ERC2: variants seen among roughly 807,000 people sequenced by gnomAD.
ERC2 encodes the protein ERC protein 2.
A neutral mutation model predicts 114.8 loss-of-function variants in ERC2; 42 were observed. The observed-to-expected ratio is 0.37, with a 90% confidence interval of 0.29 to 0.47. The LOEUF is 0.47. Ranked by LOEUF, ERC2 falls within the 20% of genes least tolerant of loss-of-function variation. The pLI, the probability that ERC2 is intolerant of heterozygous loss-of-function variation, is 0.99. For synonymous variants in ERC2, 454 were observed against 425.5 expected, an observed-to-expected ratio of 1.07 and a Z score of -0.82; for missense variants, 939 against 1,150.7, an observed-to-expected ratio of 0.82 and a Z score of 2.66.
chr3:55,837,092 A>G (rs905991967), intron 14 of ERC2, among the ~76,000 whole-genome samples: 3 of 152,202 alleles, frequency 2.0e-5, no homozygotes, highest in African/African-American at 7.2e-5. Context: ...AATCATTAAA[A>G]AGCCAGGAAA....
chr3:55,989,822 A>C (rs1187822412), intron 11 of ERC2, among the ~76,000 whole-genome samples: 1 of 152,178 alleles, frequency 6.6e-6, no homozygotes, highest in Non-Finnish European at 1.5e-5. Context: ...GTGAGCATAG[A>C]ATATACATAC....
intron 7 of ERC2, among the ~76,000 whole-genome samples, chr3:56,076,596 C>T (rs1038240576): frequency 1.3e-5 from 2 of 152,176 alleles, no homozygotes; most frequent in Admixed American, 6.6e-5. Flanking sequence ...ACTTTTCATA[C>T]ATGTGCATTT....
rs2052035503 is a variant in ERC2, at chr3:55,511,101, G to T, written c.*215C>A. 1 of 152,582 alleles carries T rather than the reference G, an allele frequency of 6.6e-6. No homozygotes were observed. The highest frequency in any genetic ancestry group is 1.5e-5 in the Non-Finnish European group (1 of 68,024). The allele number at this position is 152,582 out of a possible 1,614,324, so 9.5% of individuals were successfully genotyped here. On this transcript the variant is annotated 3_prime_UTR_variant, in exon 18 of 18. Coordinates refer to ENST00000288221, the MANE Select transcript of ERC2 (RefSeq NM_015576.3). ...AAATCCATGAGAAATGACATGAGGTGGTGAAGGAAATATCAAGTAGAACAG... is the reference window on the plus strand; with the variant it reads ...AAATCCATGAGAAATGACATGAGGTTGTGAAGGAAATATCAAGTAGAACAG...
At chr3:56,254,640 C>T (rs1179866987) in intron 3 of ERC2, among the ~76,000 whole-genome samples, 1 of 152,190 alleles carries the variant, frequency 6.6e-6, no homozygotes, top group African/African-American at 2.4e-5. Context: ...TGTCAAGTCC[C>T]GGGCCGGGAT....
intron 2 of ERC2, among the ~76,000 whole-genome samples, chr3:56,301,589 AGC>A (rs2055878118): frequency 6.6e-6 from 1 of 152,090 alleles, no homozygotes; most frequent in Non-Finnish European, 1.5e-5. Context: ...TCATTTACCA[AGC>A]TGGGCACAGT....
At chr3:55,677,969 T>A (rs544313530) in intron 17 of ERC2, among the ~76,000 whole-genome samples, 1 of 152,176 alleles carries the variant, frequency 6.6e-6, no homozygotes, top group African/African-American at 2.4e-5. Context: ...AGTACTAAGA[T>A]GAAGAAATAT....
intron 14 of ERC2, among the ~76,000 whole-genome samples, chr3:55,834,388 A>G (rs959486752): frequency 7.9e-5 from 12 of 152,230 alleles, no homozygotes; most frequent in Non-Finnish European, 2.9e-5. Flanking sequence ...AATGTAAAAG[A>G]ACAGAAGTTA....
intron 3 of ERC2, among the ~76,000 whole-genome samples, chr3:56,178,979 T>C (rs1046011995): frequency 6.6e-6 from 1 of 151,928 alleles, no homozygotes; most frequent in African/African-American, 2.4e-5. Context: ...TCTTTTGGCT[T>C]TCCTAAGCCA....
intron 7 of ERC2, among the ~76,000 whole-genome samples, chr3:56,078,833 T>C (rs2077096575): frequency 6.7e-6 from 1 of 149,338 alleles, no homozygotes; most frequent in Non-Finnish European, 1.5e-5. Flanking sequence ...GAATGAACAA[T>C]ATATATATTT....
At chr3:56,463,292 C>T (rs146426353) in intron 1 of ERC2, among the ~76,000 whole-genome samples, 244 of 152,244 alleles carry the variant, frequency 1.6e-3, no homozygotes, top group African/African-American at 5.5e-3. Context: ...GGCTGCTGCC[C>T]CTCCAGGCAT....
At chr3:55,686,386 C>T (rs1202726520) in intron 16 of ERC2, among the ~76,000 whole-genome samples, 1 of 152,254 alleles carries the variant, frequency 6.6e-6, no homozygotes, top group East Asian at 1.9e-4. Flanking sequence ...AGTGGTGGCT[C>T]TTTCTGGTCT....
chr3:56,083,709 G>A (rs543472738), intron 6 of ERC2, among the ~76,000 whole-genome samples: 4 of 152,250 alleles, frequency 2.6e-5, no homozygotes, highest in Admixed American at 2.6e-4. Context: ...TGAAGTGGGG[G>A]TTGGATAAGG....
At chr3:56,063,852 A>G (rs902104324) in intron 7 of ERC2, among the ~76,000 whole-genome samples, 1 of 152,184 alleles carries the variant, frequency 6.6e-6, no homozygotes, top group Non-Finnish European at 1.5e-5. Context: ...GTACATACAT[A>G]TTGTAAAGTT....
At chr3:56,324,588 A>T (rs1182983490) in intron 2 of ERC2, among the ~76,000 whole-genome samples, 1 of 152,118 alleles carries the variant, frequency 6.6e-6, no homozygotes, top group East Asian at 1.9e-4. Flanking sequence ...TAAGGGTCTA[A>T]CGGGCCTTCA....
intron 14 of ERC2, among the ~76,000 whole-genome samples, chr3:55,837,144 T>G (rs374989329): frequency 1.3e-5 from 2 of 152,178 alleles, no homozygotes; most frequent in African/African-American, 4.8e-5. Flanking sequence ...GGAACACTTT[T>G]ACACTGTTGG....
At chr3:56,003,891 T>C (rs1465874139) in intron 10 of ERC2, among the ~76,000 whole-genome samples, 1 of 152,086 alleles carries the variant, frequency 6.6e-6, no homozygotes, top group Non-Finnish European at 1.5e-5. Flanking sequence ...ATGTGCTGAA[T>C]ATTATTTTAA....
chr3:56,130,001 T>C (rs1162252209), intron 6 of ERC2, among the ~76,000 whole-genome samples: 1 of 152,160 alleles, frequency 6.6e-6, no homozygotes, highest in Non-Finnish European at 1.5e-5. Flanking sequence ...TGGGCTAAGG[T>C]TTGGAAAGTT....
In ERC2 at chr3:55,984,406, A is replaced by G. The variant is rs973476066; in HGVS notation, c.2267+1571T>C. Among the ~76,000 whole-genome samples, 11 of 152,310 alleles carry G rather than the reference A, an allele frequency of 7.2e-5. No individual in the cohort carries two copies. In the East Asian group the frequency reaches 2.1e-3, roughly 29 times the overall value. On this transcript the variant is annotated intron_variant, in intron 12 of 17. Transcript: ENST00000288221. The stretch of plus-strand genomic sequence containing the variant: ...AGGAAGCTTGAGGTGTGGGAGCAAA[A>G]GGGATCCCTGGATCTCAAGTGCTTC...
At position 55,595,774 on chromosome 3, in the gene ERC2, G is replaced by A. The variant is rs114894422; in HGVS notation, c.*40-84498C>T. On this transcript the variant is annotated intron_variant, in intron 17 of 17. Transcript: ENST00000288221. ...GGAAGGGCAACTAAAGAAACCAAGT[G>A]GATCTTTGCTTGGAAGCCGCCATGT... 6.4e-3 allele frequency among the ~76,000 whole-genome samples: 981 copies of A among 152,308 alleles called. 10 individuals are homozygous for A. Among genetic ancestry groups the A allele is most frequent in the African/African-American group, 0.022 (930 of 41,560 alleles).
Sources: gnomAD v4.1 joint callset for allele counts (sites outside exome capture counted in the v4.1 genomes callset) on GRCh38, gnomAD v4.1.1 for gene constraint, MANE v1.5 for transcripts, NCBI Gene and HGNC (gene_info 2026-07-23, HGNC 2026-07-21) for gene names.